The following EPHA6 variants were observed in gnomAD, a reference collection of about 807,000 sequenced individuals.
EPHA6 encodes ephrin type-A receptor 6.
In EPHA6, 50 loss-of-function variants were observed where a neutral mutation model predicts 112.0. The ratio of observed to expected loss-of-function variants is 0.45; its 90% CI spans 0.36 to 0.56. The LOEUF (loss-of-function observed/expected upper bound fraction) is 0.56, where lower values mean the gene tolerates loss of function less well. Ranked by LOEUF, EPHA6 falls within the 20% of genes least tolerant of loss-of-function variation. EPHA6 has a pLI of 0.00. For missense variants in EPHA6, 1,280 were observed against 1,417.4 expected, an observed-to-expected ratio of 0.90 and a Z score of 1.56; for synonymous variants, 529 against 490.7, an observed-to-expected ratio of 1.08 and a Z score of -1.03.
rs763075281 is a variant in EPHA6 at position 96,814,971 on chromosome 3, G to T, written c.348G>T (p.Ala116=). 9 of 1,540,544 alleles carry T rather than the reference G, an allele frequency of 5.8e-6. No homozygotes were observed. ...QFGFFLPLLT[A]WPGDCSHVSN... Reference sequence around the variant, plus strand: ...GTTTCTTCTTGCCTCTGCTGACAGCGTGGCCAGGCGACTGCAGTCACGTCT... The same window carrying T: ...GTTTCTTCTTGCCTCTGCTGACAGCTTGGCCAGGCGACTGCAGTCACGTCT... Residue 116 remains alanine (A), a synonymous_variant, in exon 1 of 18, where the codon GCG becomes GCT. Transcript: ENST00000389672.
At chr3:96,989,646 G>A (rs1415098918) in intron 3 of EPHA6, among the ~76,000 whole-genome samples, 1 of 152,082 alleles carries the variant, frequency 6.6e-6, no homozygotes, top group Non-Finnish European at 1.5e-5. Flanking sequence ...AAGCACTACT[G>A]GAACACCTCA....
At chr3:96,891,346 C>T (rs558026860) in intron 2 of EPHA6, among the ~76,000 whole-genome samples, 1 of 152,260 alleles carries the variant, frequency 6.6e-6, no homozygotes, top group East Asian at 1.9e-4. Flanking sequence ...AGAGCACATA[C>T]AGTGTGATTC....
At chr3:97,462,870 G>T (rs1028572531) in intron 7 of EPHA6, among the ~76,000 whole-genome samples, 3 of 152,068 alleles carry the variant, frequency 2.0e-5, no homozygotes, top group Non-Finnish European at 4.4e-5. Flanking sequence ...ACACCAAAAA[G>T]ACTTGGGGCT....
intron 1 of EPHA6, among the ~76,000 whole-genome samples, chr3:96,835,729 C>T (rs1242246447): frequency 6.6e-6 from 1 of 151,992 alleles, no homozygotes; most frequent in Non-Finnish European, 1.5e-5. Context: ...GAGTCCCACC[C>T]AGATTTATCT....
intron 3 of EPHA6, among the ~76,000 whole-genome samples, chr3:97,170,047 A>G (rs947899389): frequency 4.0e-5 from 6 of 151,796 alleles, no homozygotes; most frequent in African/African-American, 1.5e-4. Flanking sequence ...GGATTGATAG[A>G]TGCAGCAAAC....
intron 1 of EPHA6, among the ~76,000 whole-genome samples, chr3:96,862,241 T>A (rs971914871): frequency 6.6e-6 from 1 of 151,958 alleles, no homozygotes; most frequent in Non-Finnish European, 1.5e-5. Flanking sequence ...TGGTGTTTTT[T>A]AAGAGCTATT....
At chr3:97,332,704 T>C (rs1386352043) in intron 5 of EPHA6, among the ~76,000 whole-genome samples, 4 of 152,164 alleles carry the variant, frequency 2.6e-5, no homozygotes, top group Non-Finnish European at 5.9e-5. Flanking sequence ...CAGCATTCTT[T>C]GGAGAAAGGG....
intron 13 of EPHA6, among the ~76,000 whole-genome samples, chr3:97,611,441 G>A (rs2093719633): frequency 6.6e-6 from 1 of 151,770 alleles, no homozygotes; most frequent in Admixed American, 6.6e-5. Flanking sequence ...TATACGAAAA[G>A]TAATTTATTA....
chr3:97,648,570 A>G, intron 14 of EPHA6: 1 of 1,210,682 alleles, frequency 8.3e-7, no homozygotes, highest in Non-Finnish European at 1.0e-6. Context: ...ATATTTTAAC[A>G]CAAGTGAGAT....
rs754052928 is a variant in EPHA6, at chr3:97,737,513, T to C, written c.3128+1395T>C. Among the ~76,000 whole-genome samples the C allele has an allele frequency of 6.5e-4, 99 of 152,048 alleles. 1 individual carries two copies. The Middle Eastern group carries it at 0.014, about 21-fold the overall frequency. ...CAATGCATCTTAGTCACTGTTTGAA[T>C]ATGGAGGGAGGGAGGAGAAAAAGAA... On this transcript the variant is annotated intron_variant, in intron 16 of 17. Transcript: ENST00000389672.
At chr3:97,412,238 T>C (rs764732515) in intron 6 of EPHA6, among the ~76,000 whole-genome samples, 35 of 152,046 alleles carry the variant, frequency 2.3e-4, no homozygotes, top group Admixed American at 4.6e-4. Context: ...TGGTATGGAG[T>C]CATATTGTAG....
chr3:97,716,728 T>C (rs1026086051), intron 14 of EPHA6, among the ~76,000 whole-genome samples: 4 of 152,182 alleles, frequency 2.6e-5, no homozygotes, highest in African/African-American at 9.7e-5. Context: ...TATCCTCCCA[T>C]TGGAACAAAA....
At chr3:97,673,101 T>G (rs1324387650) in intron 14 of EPHA6, among the ~76,000 whole-genome samples, 1 of 152,198 alleles carries the variant, frequency 6.6e-6, no homozygotes, top group Non-Finnish European at 1.5e-5. Context: ...GAATTCTCTT[T>G]TTAAATGAAG....
At chr3:96,857,174 A>C (rs1429605107) in intron 1 of EPHA6, among the ~76,000 whole-genome samples, 1 of 152,122 alleles carries the variant, frequency 6.6e-6, no homozygotes, top group Non-Finnish European at 1.5e-5. Flanking sequence ...TGTTGAATGA[A>C]ATATTTTCCA....
At chr3:97,108,327 A>G (rs1214243366) in intron 3 of EPHA6, among the ~76,000 whole-genome samples, 1 of 152,234 alleles carries the variant, frequency 6.6e-6, no homozygotes, top group African/African-American at 2.4e-5. Flanking sequence ...ATGGATGCCA[A>G]AATAGCTTAG....
chr3:96,961,735 G>A (rs2041955234), intron 2 of EPHA6, among the ~76,000 whole-genome samples: 1 of 152,156 alleles, frequency 6.6e-6, no homozygotes, highest in Non-Finnish European at 1.5e-5. Flanking sequence ...CTTACCACCA[G>A]CAGTGGAGTC....
chr3:97,355,922 TAA>T, intron 5 of EPHA6, among the ~76,000 whole-genome samples: 1 of 152,162 alleles, frequency 6.6e-6, no homozygotes, highest in East Asian at 1.9e-4. Context: ...ATAAAAACTA[TAA>T]AAAGAGACAA....
chr3:97,519,099 T>G (rs1406469567), intron 10 of EPHA6, among the ~76,000 whole-genome samples: 1 of 152,196 alleles, frequency 6.6e-6, no homozygotes, highest in Non-Finnish European at 1.5e-5. Context: ...GTGTTCCCTA[T>G]GTTTTCTTCT....
chr3:97,350,777 G>T (rs2083771452), intron 5 of EPHA6, among the ~76,000 whole-genome samples: 2 of 151,964 alleles, frequency 1.3e-5, no homozygotes, highest in African/African-American at 4.8e-5. Flanking sequence ...TCCAAATCAG[G>T]CTCTCTACTG....
Sources: gnomAD v4.1 joint callset for allele counts (sites outside exome capture counted in the v4.1 genomes callset) on GRCh38, gnomAD v4.1.1 for gene constraint, MANE v1.5 for transcripts, NCBI Gene and HGNC (gene_info 2026-07-23, HGNC 2026-07-21) for gene names.